CNTNAP2: variants seen among roughly 807,000 people sequenced by gnomAD.
CNTNAP2 encodes contactin associated protein 2.
In CNTNAP2, 98 loss-of-function variants were observed where a neutral mutation model predicts 155.2. The ratio of observed to expected loss-of-function variants is 0.63; its 90% confidence interval spans 0.54 to 0.75. CNTNAP2 has a LOEUF of 0.75. Among genes scored for constraint, CNTNAP2 ranks in the 30% least tolerant of loss-of-function variants. CNTNAP2 has a pLI of 0.00. For missense variants in CNTNAP2, 1,727 were observed against 1,688.1 expected, an observed-to-expected ratio of 1.02 and a Z score of -0.40; for synonymous variants, 651 against 631.2, an observed-to-expected ratio of 1.03 and a Z score of -0.47.
At position 147,566,576 on chromosome 7, in the gene CNTNAP2, C is replaced by T. The variant is rs528179326; in HGVS notation, c.1897+4319C>T. On this transcript the variant is annotated intron_variant, in intron 12 of 23. Coordinates refer to ENST00000361727, the MANE Select transcript of CNTNAP2 (RefSeq NM_014141.6). ...TGGCAGAAGGGGAAGCAGATGCCTTCTTCACAAGGCGGCAGGAGAGAGCAT... is the reference window on the plus strand; with the variant it reads ...TGGCAGAAGGGGAAGCAGATGCCTTTTTCACAAGGCGGCAGGAGAGAGCAT... Among the ~76,000 whole-genome samples the T allele has an allele frequency of 2.2e-3, 342 of 152,264 alleles. 1 individual carries two copies. The highest frequency in any genetic ancestry group is 7.8e-3 in the African/African-American group (324 of 41,560).
At chr7:147,535,235 A>C (rs1584797379) in intron 11 of CNTNAP2, among the ~76,000 whole-genome samples, 1 of 152,116 alleles carries the variant, frequency 6.6e-6, no homozygotes, top group South Asian at 2.1e-4. Context: ...TCTACTAAAA[A>C]TACAAAATTA....
intron 1 of CNTNAP2, among the ~76,000 whole-genome samples, chr7:146,296,180 C>G (rs771437006): frequency 1.3e-5 from 2 of 152,126 alleles, no homozygotes; most frequent in Non-Finnish European, 1.5e-5. Context: ...TAAATTCCAG[C>G]AGAACAGCGG....
In CNTNAP2 at chr7:146,883,621, A is replaced by T. The variant is rs7341537; in HGVS notation, c.402+43717A>T. Among the ~76,000 whole-genome samples the T allele has an allele frequency of 1.3e-5, 2 of 151,926 alleles. 1 individual carries two copies. The highest frequency in any genetic ancestry group is 4.1e-4 in the South Asian group (2 of 4,832). On this transcript the variant is annotated intron_variant, in intron 3 of 23. Coordinates refer to ENST00000361727, the MANE Select transcript of CNTNAP2 (RefSeq NM_014141.6). ...TCTGTCTCTGCTCCATTCCTTTCAA[A>T]TGCATAAGTACATACAGCCAATACA...
chr7:148,199,413 G>A (rs1342438721), intron 18 of CNTNAP2, among the ~76,000 whole-genome samples: 1 of 152,160 alleles, frequency 6.6e-6, no homozygotes, highest in Non-Finnish European at 1.5e-5. Context: ...CTTTGCTTAG[G>A]TGTATCCAGA....
chr7:146,701,460 A>G (rs1800876794), intron 1 of CNTNAP2, among the ~76,000 whole-genome samples: 1 of 152,184 alleles, frequency 6.6e-6, no homozygotes. Flanking sequence ...TTAAATCATG[A>G]ACAAAGCAAA....
intron 1 of CNTNAP2, among the ~76,000 whole-genome samples, chr7:146,282,340 T>G (rs995363043): frequency 6.6e-6 from 1 of 152,192 alleles, no homozygotes; most frequent in Non-Finnish European, 1.5e-5. Context: ...TTGCAGACAC[T>G]GTCTACATAC....
chr7:147,314,645 T>TAA (rs60543561), intron 9 of CNTNAP2, among the ~76,000 whole-genome samples: 3 of 148,490 alleles, frequency 2.0e-5, no homozygotes, highest in African/African-American at 7.4e-5. Context: ...AAGTCAGCAA[T>TAA]AAAAAAAAAA....
At chr7:146,562,012 A>T (rs1798287093) in intron 1 of CNTNAP2, among the ~76,000 whole-genome samples, 1 of 152,018 alleles carries the variant, frequency 6.6e-6, no homozygotes, top group African/African-American at 2.4e-5. Flanking sequence ...CTGGTCTCAA[A>T]TTCCTGGGCT....
intron 10 of CNTNAP2, among the ~76,000 whole-genome samples, chr7:147,415,327 G>A (rs777101110): frequency 6.6e-6 from 1 of 152,128 alleles, no homozygotes; most frequent in Non-Finnish European, 1.5e-5. Flanking sequence ...GATAAGGTTA[G>A]GCTTTGTGTC....
chr7:146,774,658 G>C (rs539440838), intron 2 of CNTNAP2, among the ~76,000 whole-genome samples: 1 of 152,154 alleles, frequency 6.6e-6, no homozygotes, highest in African/African-American at 2.4e-5. Context: ...TGGCATAAAC[G>C]TTTAGAGTTA....
chr7:147,287,353 G>A (rs1307065243), intron 8 of CNTNAP2, among the ~76,000 whole-genome samples: 1 of 152,030 alleles, frequency 6.6e-6, no homozygotes, highest in East Asian at 1.9e-4. Context: ...CAGAGCAGGG[G>A]GAGTAGGAAT....
At chr7:146,408,137 C>T (rs186836461) in intron 1 of CNTNAP2, among the ~76,000 whole-genome samples, 9 of 151,986 alleles carry the variant, frequency 5.9e-5, no homozygotes, top group Non-Finnish European at 8.8e-5. Context: ...AAAGGTCAAC[C>T]GTATCTGGAA....
intron 1 of CNTNAP2, among the ~76,000 whole-genome samples, chr7:146,120,877 G>A (rs56344412): frequency 0.47 from 72,067 of 151,878 alleles, 18,119 homozygotes; most frequent in African/African-American, 0.64. Context: ...AGGCTACACT[G>A]TCTAGGTTTG....
chr7:148,408,106 A>C (rs10238298), intron 22 of CNTNAP2, among the ~76,000 whole-genome samples: 7 of 151,778 alleles, frequency 4.6e-5, no homozygotes, highest in African/African-American at 1.7e-4. Flanking sequence ...TTAGCCAGGC[A>C]TGGTGGCAGG....
At chr7:146,824,045 A>G (rs1803351208) in intron 2 of CNTNAP2, among the ~76,000 whole-genome samples, 1 of 151,328 alleles carries the variant, frequency 6.6e-6, no homozygotes, top group Non-Finnish European at 1.5e-5. Flanking sequence ...CAGCCCTCCA[A>G]CCCCTGACAG....
At chr7:147,459,806 A>G (rs564811930) in intron 10 of CNTNAP2, among the ~76,000 whole-genome samples, 1 of 152,328 alleles carries the variant, frequency 6.6e-6, no homozygotes, top group South Asian at 2.1e-4. Flanking sequence ...GAAATTTGTT[A>G]CAGAAACAGT....
intron 21 of CNTNAP2, among the ~76,000 whole-genome samples, chr7:148,295,379 CAA>C (rs71841612): frequency 0.059 from 9,000 of 152,124 alleles, 341 homozygotes; most frequent in African/African-American, 0.11. Flanking sequence ...ACTATAGTAA[CAA>C]GGGCTACAAA....
chr7:148,015,475 C>T (rs754393532), intron 15 of CNTNAP2, among the ~76,000 whole-genome samples: 20 of 152,298 alleles, frequency 1.3e-4, no homozygotes, highest in South Asian at 6.2e-4. Flanking sequence ...AGGCGGGCAT[C>T]GGCGAGACCC....
intron 9 of CNTNAP2, among the ~76,000 whole-genome samples, chr7:147,323,958 G>T (rs1329386114): frequency 6.6e-6 from 1 of 151,652 alleles, no homozygotes; most frequent in Non-Finnish European, 1.5e-5. Context: ...AATGTGGATG[G>T]TTATCTAAGA....
Sources: allele counts gnomAD v4.1 joint callset (sites outside exome capture counted in the v4.1 genomes callset), GRCh38; gene constraint gnomAD v4.1.1; transcripts MANE v1.5; gene names NCBI Gene and HGNC (gene_info 2026-07-23, HGNC 2026-07-21).